The following MIPEP variants were observed in gnomAD, a reference collection of about 807,000 sequenced individuals.
MIPEP encodes the protein mitochondrial intermediate peptidase.
MIPEP carries 79 observed loss-of-function variants against 90.3 expected under a neutral mutation model. The observed-to-expected ratio is 0.87, with a 90% CI of 0.73 to 1.05. The LOEUF is 1.05. Ranked by LOEUF, MIPEP falls within the 50% of genes least tolerant of loss-of-function variation. The pLI is 0.00. For missense variants in MIPEP, 940 were observed against 905.6 expected (o/e 1.04, Z -0.49); for synonymous variants, 334 against 315.8 (o/e 1.06, Z -0.61).
chr13:23,744,886 C>A (rs977645883), intron 18 of MIPEP, among the ~76,000 whole-genome samples: 1 of 152,114 alleles, frequency 6.6e-6, no homozygotes, highest in Non-Finnish European at 1.5e-5. Context: ...GCACGTGCAT[C>A]AAAAGGAAGA....
chr13:23,836,220 G>T lies in MIPEP; in HGVS notation c.1653+20C>A. 1 of 1,471,824 alleles carries T rather than the reference G, an allele frequency of 6.8e-7. No individual in the cohort carries two copies. Among genetic ancestry groups the T allele is most frequent in the Non-Finnish European group, 9.2e-7 (1 of 1,089,146 alleles). The allele number at this position is 1,471,824 out of a possible 1,614,324, so 91.2% of individuals were successfully genotyped here. ...ACTATCACAACCCAAAGGACAAGAC[G>T]ACAATATTACTGTTCCTACCTGTCC... On this transcript the variant is annotated intron_variant, in intron 14 of 18. Coordinates refer to ENST00000382172, the MANE Select transcript of MIPEP (RefSeq NM_005932.4).
At chr13:23,837,911 T>C (rs1268583269) in intron 12 of MIPEP, among the ~76,000 whole-genome samples, 155 bp from the exon 13 acceptor site, 3 of 152,252 alleles carry the variant, frequency 2.0e-5, no homozygotes, top group East Asian at 3.8e-4. Flanking sequence ...TATACACCTT[T>C]TCTTGACATT....
intron 14 of MIPEP, among the ~76,000 whole-genome samples, chr13:23,823,351 C>T (rs1353170453): frequency 6.6e-6 from 1 of 152,102 alleles, no homozygotes; most frequent in African/African-American, 2.4e-5. Context: ...AATAAGGTGA[C>T]AATTAGTTAA....
At chr13:23,799,367 G>A (rs1405705852) in intron 16 of MIPEP, among the ~76,000 whole-genome samples, 2 of 151,336 alleles carry the variant, frequency 1.3e-5, no homozygotes, top group African/African-American at 2.4e-5. Context: ...TCACTCTGTC[G>A]CCCAGGCTGG....
chr13:23,825,364 T>C (rs1016364230), intron 14 of MIPEP, among the ~76,000 whole-genome samples: 36 of 152,236 alleles, frequency 2.4e-4, no homozygotes, highest in Admixed American at 7.9e-4. Flanking sequence ...CAGGAGAAGA[T>C]TTATTACAAG....
intron 15 of MIPEP, among the ~76,000 whole-genome samples, chr13:23,808,350 C>A (rs1163816430): frequency 1.3e-5 from 2 of 152,158 alleles, no homozygotes; most frequent in Non-Finnish European, 2.9e-5. Flanking sequence ...CCGCCCGCCT[C>A]GGCCTCCCAA....
At chr13:23,861,054 G>C (rs1418086879) in intron 9 of MIPEP, among the ~76,000 whole-genome samples, 1 of 152,040 alleles carries the variant, frequency 6.6e-6, no homozygotes, top group African/African-American at 2.4e-5. Context: ...ATTTCTAACA[G>C]GCTCCCATGT....
intron 10 of MIPEP, among the ~76,000 whole-genome samples, chr13:23,843,613 G>A (rs1474363298): frequency 6.6e-6 from 1 of 152,084 alleles, no homozygotes; most frequent in Non-Finnish European, 1.5e-5. Context: ...ATGCCATTTG[G>A]GAGACAGCTT....
At chr13:23,759,598 A>G (rs895609682) in intron 17 of MIPEP, among the ~76,000 whole-genome samples, 2 of 151,904 alleles carry the variant, frequency 1.3e-5, no homozygotes, top group Non-Finnish European at 2.9e-5. Flanking sequence ...TCTCCACCCA[A>G]TGGAAGTTTA....
chr13:23,756,327 G>T (rs1467847487), intron 18 of MIPEP: 4 of 457,230 alleles, frequency 8.7e-6, no homozygotes, highest in Non-Finnish European at 1.6e-5. Flanking sequence ...GCTATTTTTT[G>T]TATTTTTAGT....
intron 16 of MIPEP, among the ~76,000 whole-genome samples, chr13:23,760,941 G>A (rs1952535969): frequency 1.3e-5 from 2 of 152,088 alleles, no homozygotes; most frequent in South Asian, 4.1e-4. Context: ...TCAGAGAGTT[G>A]TACTCTGCAA....
chr13:23,831,977 T>C (rs139538491), intron 14 of MIPEP, among the ~76,000 whole-genome samples: 2 of 152,248 alleles, frequency 1.3e-5, no homozygotes, highest in Admixed American at 6.5e-5. Flanking sequence ...TATGACAGAT[T>C]TGGGGAGAGA....
chr13:23,881,714 C>A lies in MIPEP; in HGVS notation c.437G>T (p.Gly146Val). ...EAAEEACRSI[G>V]TMVEKLNTNV... ...CAGCACATACTTCTCTACCATGGTGCCAATACTTCTACAAGCTTCTTCCGC... is the reference window on the plus strand; with the variant it reads ...CAGCACATACTTCTCTACCATGGTGACAATACTTCTACAAGCTTCTTCCGC... The change falls in exon 3 of 19, where the codon GGC (glycine) becomes GTC (valine). Residue 146 changes from glycine to valine, a missense_variant. Gly to Val is a moderately radical substitution (Grantham distance 109). Coordinates refer to ENST00000382172, the MANE Select transcript of MIPEP (RefSeq NM_005932.4). 1.9e-6 allele frequency: 3 copies of A among 1,613,756 alleles called. No individual in the cohort carries two copies. Among genetic ancestry groups the A allele is most frequent in the Non-Finnish European group, 2.5e-6 (3 of 1,179,748 alleles).
At chr13:23,828,461 T>C (rs1300257491) in intron 14 of MIPEP, among the ~76,000 whole-genome samples, 5 of 152,336 alleles carry the variant, frequency 3.3e-5, no homozygotes, top group Admixed American at 2.6e-4. Context: ...TGTGAATTAA[T>C]AAGAAAGTTT....
intron 14 of MIPEP, among the ~76,000 whole-genome samples, chr13:23,832,602 G>C (rs902910465): frequency 1.2e-4 from 19 of 152,146 alleles, no homozygotes; most frequent in African/African-American, 4.6e-4. Flanking sequence ...CAACGGCGAA[G>C]AAGTTACGCG....
intron 14 of MIPEP, among the ~76,000 whole-genome samples, chr13:23,815,815 G>C (rs1953227279): frequency 6.6e-6 from 1 of 152,082 alleles, no homozygotes; most frequent in Non-Finnish European, 1.5e-5. Context: ...ATAAAACTTG[G>C]TCATTAACTC....
At chr13:23,737,040 G>A (rs1047990889) in intron 18 of MIPEP, among the ~76,000 whole-genome samples, 1 of 152,182 alleles carries the variant, frequency 6.6e-6, no homozygotes, top group Non-Finnish European at 1.5e-5. Flanking sequence ...TCCTTGATGT[G>A]ACAGAACCTA....
Position 23,836,352 on chromosome 13 carries a change from A to G in MIPEP, c.1544-3T>C, listed in dbSNP as rs374967220. The G allele has an allele frequency of 3.9e-5, 60 of 1,546,114 alleles. No homozygotes were observed. In the African/African-American group the frequency reaches 6.7e-4, roughly 17 times the overall value. On this transcript the variant is annotated splice_region_variant and splice_polypyrimidine_tract_variant and intron_variant, in intron 13 of 18. Coordinates refer to ENST00000382172, the MANE Select transcript of MIPEP (RefSeq NM_005932.4). The stretch of plus-strand genomic sequence containing the variant: ...AAAATCAGTAGGGCACCTGGTCCCT[A>G]AAACAAGAAAAAAAAAAAAGTTGGC...
chr13:23,793,801 A>T (rs1952926207), intron 16 of MIPEP, among the ~76,000 whole-genome samples: 2 of 151,640 alleles, frequency 1.3e-5, no homozygotes, highest in South Asian at 4.2e-4. Flanking sequence ...AGGCAAAGGG[A>T]GCAGAAAGAG....
Sources: allele counts gnomAD v4.1 joint callset (sites outside exome capture counted in the v4.1 genomes callset), GRCh38; gene constraint gnomAD v4.1.1; transcripts MANE v1.5; gene names NCBI Gene and HGNC (gene_info 2026-07-23, HGNC 2026-07-21).